STXBP4: variants seen among roughly 807,000 people sequenced by gnomAD.
STXBP4 encodes syntaxin binding protein 4, also known as syntaxin-binding protein 4.
In STXBP4, 55 loss-of-function variants were observed where a neutral mutation model predicts 76.1. The ratio of observed to expected loss-of-function variants is 0.72; its 90% CI spans 0.58 to 0.91. The LOEUF (loss-of-function observed/expected upper bound fraction) is 0.91. Ranked by LOEUF, STXBP4 falls within the 40% of genes least tolerant of loss-of-function variation. The probability of loss-of-function intolerance (pLI) is 0.00; values close to 1 mark genes in which losing one functional copy is unlikely to be tolerated. For synonymous variants in STXBP4, 201 were observed against 220.2 expected (o/e 0.91, Z 0.77); for missense variants, 618 against 636.9 (o/e 0.97, Z 0.32).
the STXBP4 span, among the ~76,000 whole-genome samples, chr17:55,180,108 A>G: frequency 6.6e-6 from 1 of 152,150 alleles, no homozygotes; most frequent in African/African-American, 2.4e-5. Flanking sequence ...TGAGCTAAAT[A>G]CTCATCTCTG....
At chr17:55,040,972 CAAGGAACATCCACAGCCA>C (rs1459720433) in intron 10 of STXBP4, among the ~76,000 whole-genome samples, 6 of 152,114 alleles carry the variant, frequency 3.9e-5, no homozygotes, top group Non-Finnish European at 8.8e-5. Flanking sequence ...AAAGAATTCA[CAAGGAACATCCACAGCCA>C]ATTCTCTGGC....
chr17:55,125,744 A>C (rs2079903567), intron 16 of STXBP4, among the ~76,000 whole-genome samples: 1 of 152,042 alleles, frequency 6.6e-6, no homozygotes, highest in Admixed American at 6.6e-5. Flanking sequence ...TGTTTCCTTA[A>C]ATTTTGTATG....
chr17:55,065,908 G>A (rs944406040), intron 12 of STXBP4, among the ~76,000 whole-genome samples: 1 of 152,136 alleles, frequency 6.6e-6, no homozygotes, highest in Non-Finnish European at 1.5e-5. Flanking sequence ...AAAGCTCTTG[G>A]GAGGGTTAAT....
At position 55,170,422 on chromosome 17, in the gene STXBP4, A is replaced by G. The variant is rs1382590899; in HGVS notation, c.*10511A>G. 6.6e-6 allele frequency: 1 copy of G among 152,082 alleles called. No individual in the cohort carries two copies. Among genetic ancestry groups the G allele is most frequent in the Non-Finnish European group, 1.5e-5 (1 of 67,988 alleles). 9.4% of individuals were successfully genotyped at this position (152,082 alleles called of 1,614,324 possible). ...AACCAACAGTATTGTATATATAAAC[A>G]CCATAGAAGATCTGAAAAAAAATTA... On this transcript the variant is annotated 3_prime_UTR_variant, in exon 18 of 18. Coordinates refer to ENST00000376352, the MANE Select transcript of STXBP4 (RefSeq NM_178509.6).
At chr17:54,968,863 G>T in intron 1 of STXBP4, 48 bp downstream of exon 1, 2 of 545,098 alleles carry the variant, frequency 3.7e-6, no homozygotes, top group African/African-American at 1.9e-5. Flanking sequence ...TTCGCTTCTC[G>T]CCAGAACGTC....
intron 8 of STXBP4, among the ~76,000 whole-genome samples, chr17:55,010,977 C>T (rs1442625609): frequency 1.3e-5 from 2 of 152,074 alleles, no homozygotes; most frequent in Admixed American, 6.5e-5. Flanking sequence ...CTTTTTTCCC[C>T]ATACATATTC....
chr17:55,021,298 G>T (rs184551798), intron 8 of STXBP4, among the ~76,000 whole-genome samples: 17 of 152,254 alleles, frequency 1.1e-4, no homozygotes, highest in Admixed American at 1.1e-3. Flanking sequence ...AAGGCAAGCA[G>T]ATCGCTTGAA....
intron 16 of STXBP4, among the ~76,000 whole-genome samples, chr17:55,085,207 G>A (rs2079309594): frequency 6.6e-6 from 1 of 151,578 alleles, no homozygotes; most frequent in African/African-American, 2.4e-5. Context: ...GGGGACTGTT[G>A]TGGGGTGGGT....
chr17:55,134,857 A>G (rs904270201), intron 16 of STXBP4, among the ~76,000 whole-genome samples: 1 of 152,144 alleles, frequency 6.6e-6, no homozygotes, highest in Admixed American at 6.6e-5. Flanking sequence ...TTCCCCCAGC[A>G]TTATATAATA....
intron 17 of STXBP4, among the ~76,000 whole-genome samples, chr17:55,150,758 G>A (rs2080207305): frequency 6.6e-6 from 1 of 152,094 alleles, no homozygotes; most frequent in African/African-American, 2.4e-5. Flanking sequence ...AAGAAGAGAA[G>A]GGTAGGCAGA....
At chr17:55,196,953 C>T in the STXBP4 span, among the ~76,000 whole-genome samples, 3 of 152,300 alleles carry the variant, frequency 2.0e-5, no homozygotes, top group South Asian at 2.1e-4. Context: ...ATCCAGCCAA[C>T]ATTTGAATGA....
chr17:55,007,436 C>G, intron 7 of STXBP4, 70 bp from the exon 8 acceptor site: 1 of 1,062,744 alleles, frequency 9.4e-7, no homozygotes, highest in Non-Finnish European at 1.5e-6. Context: ...GAACTCAGAA[C>G]ATATCCTGTC....
chr17:55,183,994 T>C, the STXBP4 span, among the ~76,000 whole-genome samples: 1 of 152,192 alleles, frequency 6.6e-6, no homozygotes, highest in African/African-American at 2.4e-5. Context: ...AAATGTGACT[T>C]AATTGTTATC....
At chr17:55,029,159 A>G (rs1217023895) in intron 8 of STXBP4, among the ~76,000 whole-genome samples, 1 of 152,144 alleles carries the variant, frequency 6.6e-6, no homozygotes, top group African/African-American at 2.4e-5. Flanking sequence ...AAAATAAGTG[A>G]ACTAGTTTTG....
the STXBP4 span, among the ~76,000 whole-genome samples, chr17:55,191,185 A>G: frequency 6.6e-6 from 1 of 152,174 alleles, no homozygotes; most frequent in Non-Finnish European, 1.5e-5. Flanking sequence ...TTCTAGAGTC[A>G]TGTGGCTGGA....
chr17:55,085,391 T>C (rs2079313390), intron 16 of STXBP4, among the ~76,000 whole-genome samples: 1 of 152,126 alleles, frequency 6.6e-6, no homozygotes, highest in South Asian at 2.1e-4. Context: ...ATAAGTTAAA[T>C]ACAAGTTAAT....
chr17:55,144,306 T>C (rs1345662028), intron 17 of STXBP4, among the ~76,000 whole-genome samples: 2 of 152,166 alleles, frequency 1.3e-5, no homozygotes, highest in Middle Eastern at 3.2e-3. Context: ...TTGGCATAAG[T>C]TAGTTTTTTT....
chr17:55,077,424 A>G (rs985850205), intron 13 of STXBP4, among the ~76,000 whole-genome samples: 6 of 152,120 alleles, frequency 3.9e-5, no homozygotes, highest in Non-Finnish European at 1.5e-5. Context: ...TTCAGGAGAA[A>G]CTTTTTTACT....
chr17:54,991,517 G>A (rs896480836), intron 4 of STXBP4: 5 of 152,032 alleles, frequency 3.3e-5, no homozygotes, highest in African/African-American at 1.2e-4. Context: ...ACTTTGGTTG[G>A]TAGGAAGCTC....
Sources: gnomAD v4.1 joint callset for allele counts (sites outside exome capture counted in the v4.1 genomes callset) on GRCh38, gnomAD v4.1.1 for gene constraint, MANE v1.5 for transcripts, NCBI Gene and HGNC (gene_info 2026-07-23, HGNC 2026-07-21) for gene names.